Variants in NEK10 observed in about 807,000 individuals in gnomAD.
NEK10 encodes the protein NIMA related kinase 10, also known as serine/threonine-protein kinase Nek10.
NEK10 carries 122 observed loss-of-function variants against 159.8 expected under a neutral mutation model. The observed-to-expected ratio is 0.76, with a 90% CI of 0.66 to 0.89. NEK10 has a LOEUF of 0.89. NEK10 is among the 40% of genes least tolerant of loss of function. NEK10 has a pLI of 0.00. For missense variants in NEK10, 1,342 were observed against 1,323.1 expected (o/e 1.01, Z -0.22); for synonymous variants, 466 against 457.1 (o/e 1.02, Z -0.25).
At chr3:27,303,850 T>A (rs958490136) in intron 12 of NEK10, among the ~76,000 whole-genome samples, 4 of 152,218 alleles carry the variant, frequency 2.6e-5, no homozygotes, top group African/African-American at 9.6e-5. Context: ...TCTGCTTTTA[T>A]TAGAATGAGC....
chr3:27,338,299 G>A (rs2046955496), intron 5 of NEK10, among the ~76,000 whole-genome samples: 1 of 152,202 alleles, frequency 6.6e-6, no homozygotes, highest in African/African-American at 2.4e-5. Flanking sequence ...GTACTCCACG[G>A]TGTATATGTG....
intron 22 of NEK10, among the ~76,000 whole-genome samples, chr3:27,273,091 T>C (rs2041498864): frequency 6.6e-6 from 1 of 152,104 alleles, no homozygotes; most frequent in African/African-American, 2.4e-5. Flanking sequence ...AGAAGAGACT[T>C]CCAGGCAGAG....
At chr3:27,203,887 T>A (rs1950258616) in intron 23 of NEK10, among the ~76,000 whole-genome samples, 1 of 152,208 alleles carries the variant, frequency 6.6e-6, no homozygotes, top group South Asian at 2.1e-4. Context: ...TTAGTGTTTT[T>A]CAGTTCAATA....
chr3:27,132,437 A>G (rs1942733006), intron 31 of NEK10, among the ~76,000 whole-genome samples: 1 of 152,176 alleles, frequency 6.6e-6, no homozygotes, highest in African/African-American at 2.4e-5. Flanking sequence ...CTTTAGTAGT[A>G]TATATAGTCA....
At chr3:27,255,884 T>A (rs1182486413) in intron 23 of NEK10, among the ~76,000 whole-genome samples, 1 of 152,180 alleles carries the variant, frequency 6.6e-6, no homozygotes, top group African/African-American at 2.4e-5. Context: ...ATCCTTGCCC[T>A]GCACTTGAAT....
intron 5 of NEK10, among the ~76,000 whole-genome samples, chr3:27,326,927 G>C (rs1032062384): frequency 1.2e-4 from 18 of 152,166 alleles, no homozygotes; most frequent in African/African-American, 4.3e-4. Context: ...TGCTCTTCAA[G>C]ACTATACACA....
At chr3:27,336,528 C>T (rs1472050675) in intron 5 of NEK10, among the ~76,000 whole-genome samples, 1 of 151,978 alleles carries the variant, frequency 6.6e-6, no homozygotes, top group African/African-American at 2.4e-5. Context: ...CAAAACAAGA[C>T]AAGAATAGAA....
At chr3:27,272,563 C>A (rs1438268766) in intron 22 of NEK10, among the ~76,000 whole-genome samples, 1 of 152,190 alleles carries the variant, frequency 6.6e-6, no homozygotes, top group Non-Finnish European at 1.5e-5. Flanking sequence ...TCTACCAACA[C>A]CTGCCTTCAT....
chr3:27,362,564 CAT>C (rs747424367), intron 1 of NEK10, among the ~76,000 whole-genome samples: 5 of 150,850 alleles, frequency 3.3e-5, no homozygotes, highest in African/African-American at 9.7e-5. Flanking sequence ...AGAATGCAAA[CAT>C]ATTAGGTGGG....
intron 11 of NEK10, 75 bp downstream of exon 11, chr3:27,307,784 G>T (rs866085189): frequency 5.2e-6 from 4 of 762,148 alleles, no homozygotes; most frequent in East Asian, 2.5e-5. Flanking sequence ...ATAACATGAC[G>T]TAATAAAAAT....
At chr3:27,191,573 A>C (rs1257498799) in intron 26 of NEK10, among the ~76,000 whole-genome samples, 1 of 152,238 alleles carries the variant, frequency 6.6e-6, no homozygotes, top group East Asian at 1.9e-4. Flanking sequence ...TCTGATTTGA[A>C]GCATGGCAAC....
At chr3:27,297,349 G>A in intron 13 of NEK10, 109 bp from the exon 14 acceptor site, 1 of 698,440 alleles carries the variant, frequency 1.4e-6, no homozygotes, top group African/African-American at 1.8e-5. Context: ...ATTTTTATTA[G>A]CAAAGTAACT....
At chr3:27,363,552 C>T (rs2048836033) in intron 1 of NEK10, 1 of 152,150 alleles carries the variant, frequency 6.6e-6, no homozygotes, top group Admixed American at 6.5e-5. Context: ...CGAAAAAGAA[C>T]AGCAAATAAG....
intron 26 of NEK10, among the ~76,000 whole-genome samples, chr3:27,191,580 C>A (rs547329383): frequency 1.6e-4 from 24 of 152,242 alleles, no homozygotes; most frequent in Middle Eastern, 3.4e-3. Context: ...TGAAGCATGG[C>A]AACATTATTA....
At chr3:27,290,046 C>G (rs2042888625) in intron 19 of NEK10, among the ~76,000 whole-genome samples, 1 of 152,168 alleles carries the variant, frequency 6.6e-6, no homozygotes, top group South Asian at 2.1e-4. Flanking sequence ...CCAATGTGTT[C>G]TTGGATCACA....
chr3:27,175,171 T>C (rs1947386027), intron 26 of NEK10, among the ~76,000 whole-genome samples: 1 of 152,182 alleles, frequency 6.6e-6, no homozygotes. Context: ...TTAAGTTTTT[T>C]CAAAAACATT....
At chr3:27,216,862 G>T (rs1312091140) in intron 23 of NEK10, among the ~76,000 whole-genome samples, 2 of 152,078 alleles carry the variant, frequency 1.3e-5, no homozygotes, top group Non-Finnish European at 2.9e-5. Flanking sequence ...ATAAGTTGGG[G>T]ATAAATGCTA....
rs561484944 is a variant in NEK10, at chr3:27,321,541, C to T, written c.447+636G>A. ...CAAAAATATTAGCCGGACATGGTGG[C>T]ACGTGCCTGTAGTCCCAGCTACTCA... On this transcript the variant is annotated intron_variant, in intron 6 of 35. Coordinates refer to ENST00000691995, the MANE Select transcript of NEK10 (RefSeq NM_001394966.1). Among the ~76,000 whole-genome samples, 24 of 152,226 alleles carry T rather than the reference C, an allele frequency of 1.6e-4. No homozygotes were observed. The East Asian group carries it at 3.7e-3, about 23-fold the overall frequency.
At chr3:27,185,606 C>A (rs111948245) in intron 26 of NEK10, among the ~76,000 whole-genome samples, 1,755 of 152,264 alleles carry the variant, frequency 0.012, 10 homozygotes, top group South Asian at 0.021. Flanking sequence ...CCTCGTCAGT[C>A]CCCACAATCA....
Sources: allele counts gnomAD v4.1 joint callset (sites outside exome capture counted in the v4.1 genomes callset), GRCh38; gene constraint gnomAD v4.1.1; transcripts MANE v1.5; gene names NCBI Gene and HGNC (gene_info 2026-07-23, HGNC 2026-07-21).